Variants in DNTTIP1 observed in about 807,000 individuals in gnomAD.
DNTTIP1 encodes the protein deoxynucleotidyltransferase terminal interacting protein 1, also known as deoxynucleotidyltransferase terminal-interacting protein 1.
DNTTIP1 carries 22 observed loss-of-function variants against 52.9 expected under a neutral mutation model. The ratio of observed to expected loss-of-function variants is 0.42; its 90% CI spans 0.30 to 0.59. The LOEUF (loss-of-function observed/expected upper bound fraction) is 0.59. DNTTIP1 is among the 20% of genes least tolerant of loss of function. The pLI is 0.22. For missense variants in DNTTIP1, 286 were observed against 435.5 expected (o/e 0.66, Z 3.06); for synonymous variants, 136 against 155.1 (o/e 0.88, Z 0.92).
intron 4 of DNTTIP1, among the ~76,000 whole-genome samples, chr20:45,800,712 T>A (rs1319869625): frequency 0.066 from 248 of 3,768 alleles, 32 homozygotes; most frequent in African/African-American, 0.17. Flanking sequence ...TATATATATA[T>A]ATATATATAT....
intron 6 of DNTTIP1, 87 bp downstream of exon 6, chr20:45,801,545 T>C: frequency 4.2e-6 from 6 of 1,429,052 alleles, no homozygotes; most frequent in Non-Finnish European, 4.9e-6. Context: ...CCCAACACTT[T>C]GGGAGGCCAA....
intron 3 of DNTTIP1, 103 bp downstream of exon 3, chr20:45,794,120 A>C (rs879343181): frequency 1.6e-6 from 1 of 615,188 alleles, no homozygotes; most frequent in Non-Finnish European, 2.7e-6. Context: ...CAGATATCTA[A>C]AGTTTTCCTT....
chr20:45,793,756 TAA>T (rs1445241573), intron 2 of DNTTIP1, among the ~76,000 whole-genome samples, 163 bp from the exon 3 acceptor site: 34 of 152,164 alleles, frequency 2.2e-4, no homozygotes, highest in African/African-American at 5.8e-4. Context: ...GAGAAAGAAA[TAA>T]AGTCATGCCT....
At chr20:45,801,970 A>G (rs1346323444) in intron 6 of DNTTIP1, 29 bp from the exon 7 acceptor site, 2 of 1,613,482 alleles carry the variant, frequency 1.2e-6, no homozygotes. Flanking sequence ...CCACAGGGTC[A>G]GACCTCTGAC....
intron 5 of DNTTIP1, 120 bp downstream of exon 5, chr20:45,801,262 G>T: frequency 1.5e-6 from 2 of 1,375,952 alleles, no homozygotes; most frequent in Non-Finnish European, 1.0e-6. Flanking sequence ...GGCCCACACA[G>T]CATCATGCTG....
At chr20:45,804,531 A>G (rs1981572987) in intron 8 of DNTTIP1, among the ~76,000 whole-genome samples, 1 of 152,188 alleles carries the variant, frequency 6.6e-6, no homozygotes, top group African/African-American at 2.4e-5. Flanking sequence ...AGAGGCCTTC[A>G]GCGATTCCCC....
At position 45,803,315 on chromosome 20, in the gene DNTTIP1, T is replaced by C. The variant is rs1376721340; in HGVS notation, c.558-18T>C. ...TCTCACCTTGGAGAATTCACCTTTA[T>C]TCTTTCCTTCCAAGCAGATGGAAAC... On this transcript the variant is annotated intron_variant, in intron 7 of 12. Transcript: ENST00000372622. 3 of 1,613,900 alleles carry C rather than the reference T, an allele frequency of 1.9e-6. No homozygotes were observed. Among genetic ancestry groups the C allele is most frequent in the Non-Finnish European group, 2.5e-6 (3 of 1,179,908 alleles).
chr20:45,800,915 A>T (rs1488019955), intron 4 of DNTTIP1, among the ~76,000 whole-genome samples, 159 bp from the exon 5 acceptor site: 1 of 149,644 alleles, frequency 6.7e-6, no homozygotes, highest in Non-Finnish European at 1.5e-5. Context: ...AATCACTTGA[A>T]CCCAGGAGAT....
At chr20:45,792,654 A>G (rs747285589) in intron 1 of DNTTIP1, 23 bp from the exon 2 acceptor site, 51 of 1,583,242 alleles carry the variant, frequency 3.2e-5, no homozygotes, top group Non-Finnish European at 4.2e-5. Flanking sequence ...CCGCAGTGAC[A>G]TTTGTTCCGT....
At chr20:45,795,063 G>T (rs759286491) in intron 3 of DNTTIP1, among the ~76,000 whole-genome samples, 1 of 152,112 alleles carries the variant, frequency 6.6e-6, no homozygotes, top group Non-Finnish European at 1.5e-5. Context: ...CTCGCAAAGT[G>T]CTGGGATTAC....
intron 10 of DNTTIP1, among the ~76,000 whole-genome samples, chr20:45,807,827 G>A (rs1317178150): frequency 6.6e-6 from 1 of 151,542 alleles, no homozygotes; most frequent in African/African-American, 2.4e-5. Flanking sequence ...CACTCCTGTA[G>A]TCCTAGCTAC....
intron 2 of DNTTIP1, among the ~76,000 whole-genome samples, chr20:45,793,567 G>A (rs1031410728): frequency 6.6e-6 from 1 of 152,174 alleles, no homozygotes; most frequent in Non-Finnish European, 1.5e-5. Context: ...GGGCGTGGTG[G>A]TGCACACCTG....
At chr20:45,808,807 G>A (rs73911109) in intron 10 of DNTTIP1, among the ~76,000 whole-genome samples, 2,243 of 152,156 alleles carry the variant, frequency 0.015, 69 homozygotes, top group African/African-American at 0.051. Context: ...AGCCACCTCC[G>A]ATCATTTTTT....
Position 45,795,407 on chromosome 20 carries a change from G to T in DNTTIP1, c.336G>T (p.Gln112His). The change falls in exon 4 of 13, where the codon CAG (glutamine) becomes CAT (histidine). Residue 112 changes from glutamine to histidine, a missense_variant. This residue lies in a region of DNTTIP1 where 208 missense variants were observed against 266.5 expected (regional missense o/e 0.78). Coordinates refer to ENST00000372622, the MANE Select transcript of DNTTIP1 (RefSeq NM_052951.3). ...TTGGGGAGGAGGTGGACGCAGAGCA[G>T]CTGATCCAGGAAGCCTGTCGGAGCT... Reference protein sequence around the residue: ...DNVGEEVDAEQLIQEACRSCL... With the variant: ...DNVGEEVDAEHLIQEACRSCL... 1 of 1,611,224 alleles carries T rather than the reference G, an allele frequency of 6.2e-7. No homozygotes were observed. Among genetic ancestry groups the T allele is most frequent in the Non-Finnish European group, 8.5e-7 (1 of 1,178,592 alleles).
intron 10 of DNTTIP1, among the ~76,000 whole-genome samples, chr20:45,807,855 G>A (rs768346725): frequency 6.6e-6 from 1 of 152,058 alleles, no homozygotes; most frequent in Non-Finnish European, 1.5e-5. Context: ...GGGAGGCTGA[G>A]GCAGGAGAAT....
chr20:45,792,603 C>A, intron 1 of DNTTIP1, 74 bp from the exon 2 acceptor site: 1 of 1,221,070 alleles, frequency 8.2e-7, no homozygotes, highest in Non-Finnish European at 1.1e-6. Flanking sequence ...GGTTTAACTT[C>A]ATACCCACCC....
At chr20:45,803,236 G>A (rs1057247698) in intron 7 of DNTTIP1, 97 bp from the exon 8 acceptor site, 12 of 1,201,000 alleles carry the variant, frequency 1.0e-5, no homozygotes, top group Non-Finnish European at 1.3e-5. Context: ...GGGCTAAAGT[G>A]AGAGTGTGTG....
Position 45,801,263 on chromosome 20 carries a change from C to T in DNTTIP1, c.441+121C>T, listed in dbSNP as rs550518001. ...CATTTGTAGGACCAGGCCCACACAG[C>T]ATCATGCTGGATGGGCTTCTTTGGC... is the stretch of plus-strand genomic sequence containing the variant. On this transcript the variant is annotated intron_variant, in intron 5 of 12. Coordinates refer to ENST00000372622, the MANE Select transcript of DNTTIP1 (RefSeq NM_052951.3). 60 of 1,376,912 alleles carry T rather than the reference C, an allele frequency of 4.4e-5. No individual in the cohort carries two copies. In the African/African-American group the frequency reaches 8.3e-4, roughly 19 times the overall value. The allele number at this position is 1,376,912 out of a possible 1,614,324, so 85.3% of individuals were successfully genotyped here. A position where few individuals can be genotyped will look rare whatever the true frequency, so the allele number is the denominator to read the frequency against.
chr20:45,796,304 C>T (rs1485611882), intron 4 of DNTTIP1, among the ~76,000 whole-genome samples: 2 of 151,078 alleles, frequency 1.3e-5, no homozygotes, highest in Non-Finnish European at 2.9e-5. Context: ...GTCAATTCAT[C>T]ACATTGTACA....
Sources: allele counts gnomAD v4.1 joint callset (sites outside exome capture counted in the v4.1 genomes callset), GRCh38; gene constraint gnomAD v4.1.1; regional missense constraint gnomAD v4.1.1; transcripts MANE v1.5; gene names NCBI Gene and HGNC (gene_info 2026-07-23, HGNC 2026-07-21).